The following MARCHF1 variants were observed in gnomAD, a reference collection of about 807,000 sequenced individuals.
MARCHF1 encodes membrane associated ring-CH-type finger 1.
A neutral mutation model predicts 54.2 loss-of-function variants in MARCHF1; 40 were observed. That is an observed-to-expected ratio of 0.74 (90% CI 0.57 to 0.96). The LOEUF (loss-of-function observed/expected upper bound fraction) is 0.96, where lower values mean the gene tolerates loss of function less well. Among genes scored for constraint, MARCHF1 ranks in the 40% least tolerant of loss-of-function variants. The pLI is 0.00. For synonymous variants in MARCHF1, 236 were observed against 236.3 expected, an observed-to-expected ratio of 1.00 and a Z score of 0.01; for missense variants, 586 against 656.5, an observed-to-expected ratio of 0.89 and a Z score of 1.17.
chr4:164,315,882 T>C (rs142873746), intron 1 of MARCHF1, among the ~76,000 whole-genome samples: 34 of 152,330 alleles, frequency 2.2e-4, no homozygotes, highest in East Asian at 1.2e-3. Flanking sequence ...AGATAATTGG[T>C]ATTATAATGG....
chr4:164,326,108 C>T (rs1735274380), intron 1 of MARCHF1, among the ~76,000 whole-genome samples: 1 of 152,090 alleles, frequency 6.6e-6, no homozygotes, highest in African/African-American at 2.4e-5. Context: ...TCTCATCAAG[C>T]AGTAAAGAAA....
chr4:164,142,440 G>A (rs963669265), intron 1 of MARCHF1, among the ~76,000 whole-genome samples: 1 of 152,178 alleles, frequency 6.6e-6, no homozygotes, highest in Admixed American at 6.5e-5. Context: ...GCTTTGAAGA[G>A]AGCAGTGGTT....
At chr4:164,042,902 G>T (rs532376938) in intron 2 of MARCHF1, among the ~76,000 whole-genome samples, 1 of 152,168 alleles carries the variant, frequency 6.6e-6, no homozygotes, top group East Asian at 1.9e-4. Flanking sequence ...ACCCAGCAGG[G>T]CAGTCATTCA....
intron 3 of MARCHF1, among the ~76,000 whole-genome samples, chr4:163,905,114 T>G (rs1172803114): frequency 1.3e-5 from 2 of 152,146 alleles, no homozygotes; most frequent in Non-Finnish European, 2.9e-5. Context: ...TTTGATACCT[T>G]GGCAGAGCTG....
intron 1 of MARCHF1, among the ~76,000 whole-genome samples, chr4:164,241,653 T>C (rs1001546145): frequency 6.6e-6 from 1 of 152,142 alleles, no homozygotes; most frequent in African/African-American, 2.4e-5. Context: ...ACAGCTCCGG[T>C]CTACAGCTCC....
At chr4:164,063,791 T>C (rs1268542643) in intron 2 of MARCHF1, among the ~76,000 whole-genome samples, 6 of 152,226 alleles carry the variant, frequency 3.9e-5, no homozygotes, top group Non-Finnish European at 8.8e-5. Flanking sequence ...AGCAAATATT[T>C]TTTCAAAACA....
At chr4:163,974,284 T>A (rs1752606618) in intron 3 of MARCHF1, among the ~76,000 whole-genome samples, 1 of 152,226 alleles carries the variant, frequency 6.6e-6, no homozygotes, top group Non-Finnish European at 1.5e-5. Context: ...CAGGTTAGCC[T>A]TGATTGGTGA....
chr4:163,950,479 C>T (rs970750410), intron 3 of MARCHF1, among the ~76,000 whole-genome samples: 3 of 152,208 alleles, frequency 2.0e-5, no homozygotes, highest in East Asian at 3.9e-4. Flanking sequence ...CAGCAGGGGG[C>T]GGCGGTTGCT....
intron 3 of MARCHF1, among the ~76,000 whole-genome samples, chr4:163,928,545 G>A (rs976119007): frequency 2.0e-5 from 3 of 151,902 alleles, no homozygotes; most frequent in Non-Finnish European, 4.4e-5. Flanking sequence ...TAATTGACTT[G>A]AGGCAATCTT....
intron 1 of MARCHF1, among the ~76,000 whole-genome samples, chr4:164,316,691 ATT>A (rs958578315): frequency 1.3e-4 from 20 of 152,248 alleles, no homozygotes; most frequent in Admixed American, 1.3e-3. Context: ...TATGGTTTGG[ATT>A]TGTGTCCCCT....
chr4:164,351,067 C>A (rs568828471), intron 1 of MARCHF1, among the ~76,000 whole-genome samples: 1 of 152,204 alleles, frequency 6.6e-6, no homozygotes, highest in Non-Finnish European at 1.5e-5. Flanking sequence ...GCTTAAAAAA[C>A]GGCGCACCAC....
At chr4:164,051,754 T>C (rs1047724208) in intron 2 of MARCHF1, among the ~76,000 whole-genome samples, 2 of 152,174 alleles carry the variant, frequency 1.3e-5, no homozygotes, top group African/African-American at 4.8e-5. Context: ...TGTTATTCTG[T>C]TATGCATGAA....
At chr4:164,018,444 G>A (rs1753592669) in intron 2 of MARCHF1, among the ~76,000 whole-genome samples, 1 of 151,620 alleles carries the variant, frequency 6.6e-6, no homozygotes, top group African/African-American at 2.4e-5. Flanking sequence ...TTTAGACATA[G>A]TTATATATTA....
chr4:164,311,119 G>A (rs1734839814), intron 1 of MARCHF1, among the ~76,000 whole-genome samples: 1 of 152,108 alleles, frequency 6.6e-6, no homozygotes, highest in African/African-American at 2.4e-5. Flanking sequence ...GGTTTATTTA[G>A]TATGCTAACA....
At chr4:163,696,876 CT>C (rs1056579219) in intron 5 of MARCHF1, among the ~76,000 whole-genome samples, 2 of 152,090 alleles carry the variant, frequency 1.3e-5, no homozygotes, top group African/African-American at 4.8e-5. Flanking sequence ...GTCTATACTT[CT>C]TTTTTAGGTA....
At chr4:163,866,965 C>T (rs1485224616) in intron 3 of MARCHF1, among the ~76,000 whole-genome samples, 4 of 151,854 alleles carry the variant, frequency 2.6e-5, no homozygotes, top group Admixed American at 6.6e-5. Flanking sequence ...GGAAGCTCAC[C>T]TGAGTTTTGG....
intron 1 of MARCHF1, among the ~76,000 whole-genome samples, chr4:164,198,487 G>C (rs1178547826): frequency 6.6e-6 from 1 of 152,166 alleles, no homozygotes; most frequent in Admixed American, 6.5e-5. Flanking sequence ...CTTACACAAG[G>C]ATCATGAGAT....
chr4:164,056,853 GT>G (rs1754501347), intron 2 of MARCHF1, among the ~76,000 whole-genome samples: 1 of 152,110 alleles, frequency 6.6e-6, no homozygotes, highest in Non-Finnish European at 1.5e-5. Flanking sequence ...ACGTGACCCT[GT>G]ATCCTGCCAC....
chr4:164,345,186 C>A (rs955677609), intron 1 of MARCHF1, among the ~76,000 whole-genome samples: 6 of 152,070 alleles, frequency 3.9e-5, no homozygotes, highest in Non-Finnish European at 8.8e-5. Flanking sequence ...TATGTTAATA[C>A]CCTGATCTGT....
Sources: allele counts gnomAD v4.1 joint callset (sites outside exome capture counted in the v4.1 genomes callset), GRCh38; gene constraint gnomAD v4.1.1; transcripts MANE v1.5; gene names NCBI Gene and HGNC (gene_info 2026-07-23, HGNC 2026-07-21).